RCBTB2: variants seen among roughly 807,000 people sequenced by gnomAD.
RCBTB2 encodes the protein RCC1 and BTB domain-containing protein 2.
A neutral mutation model predicts 65.4 loss-of-function variants in RCBTB2; 55 were observed. That is an observed-to-expected ratio of 0.84 (90% CI 0.68 to 1.05). RCBTB2 has a LOEUF of 1.05. Among genes scored for constraint, RCBTB2 ranks in the 50% least tolerant of loss-of-function variants. The pLI is 0.00. For synonymous variants in RCBTB2, 220 were observed against 255.2 expected (o/e 0.86, Z 1.31); for missense variants, 599 against 680.1 (o/e 0.88, Z 1.33).
intron 10 of RCBTB2, among the ~76,000 whole-genome samples, chr13:48,505,384 G>A (rs554363143): frequency 2.0e-5 from 3 of 152,282 alleles, no homozygotes; most frequent in Non-Finnish European, 2.9e-5. Context: ...AAATTAGTAC[G>A]ACTTTCCCTA....
chr13:48,527,320 CATATATATATATATATG>C (rs1379720488), intron 1 of RCBTB2, among the ~76,000 whole-genome samples: 9 of 77,856 alleles, frequency 1.2e-4, no homozygotes, highest in Non-Finnish European at 2.4e-4. Flanking sequence ...TGACTTGGCT[CATATATATATATATATG>C]ATATATATAT....
intron 9 of RCBTB2, 99 bp downstream of exon 9, chr13:48,511,671 A>C (rs1950801696): frequency 9.6e-7 from 1 of 1,046,590 alleles, no homozygotes; most frequent in Admixed American, 2.8e-5. Context: ...CAAGCAGCTA[A>C]ACTTTTCATC....
At chr13:48,526,732 A>G (rs1951756339) in intron 1 of RCBTB2, among the ~76,000 whole-genome samples, 6 of 151,882 alleles carry the variant, frequency 4.0e-5, no homozygotes, top group Admixed American at 3.3e-4. Context: ...CCTGGCCAAC[A>G]TGGTGAAACC....
chr13:48,514,467 G>C (rs1340076174), intron 6 of RCBTB2, among the ~76,000 whole-genome samples: 1 of 152,200 alleles, frequency 6.6e-6, no homozygotes, highest in Non-Finnish European at 1.5e-5. Flanking sequence ...TAAAACCAAG[G>C]ATAACGGGAG....
chr13:48,513,995 A>C (rs181230943), intron 6 of RCBTB2, among the ~76,000 whole-genome samples: 1 of 152,396 alleles, frequency 6.6e-6, no homozygotes, highest in East Asian at 1.9e-4. Flanking sequence ...ACTAATAATC[A>C]AAGAGAACAA....
At chr13:48,493,311 ACACACTCTCTCTCTCT>A (rs1949805793) in intron 14 of RCBTB2, among the ~76,000 whole-genome samples, 9 of 57,430 alleles carry the variant, frequency 1.6e-4, no homozygotes, top group South Asian at 6.8e-4. Flanking sequence ...ACACACACAC[ACACACTCTCTCTCTCT>A]CTCTCTCTCT....
Position 48,501,827 on chromosome 13 carries a change from C to A in RCBTB2, c.1159G>T (p.Glu387Ter). The A allele has an allele frequency of 6.2e-7, 1 of 1,613,942 alleles. No individual in the cohort carries two copies. Among genetic ancestry groups the A allele is most frequent in the Non-Finnish European group, 8.5e-7 (1 of 1,179,830 alleles). ...HLTVAESLKR[E>*]FDNPDTADLK... is the part of the protein sequence containing the mutation. ...TCTGCAGTGTCCGGGTTGTCAAATT[C>A]CCTCTTCAGTGACTCAGCCACTGTG... is the stretch of plus-strand genomic sequence containing the variant. The change falls in exon 12 of 15, where the codon GAA becomes TAA. Residue 387 changes from glutamate to a stop codon, truncating the protein, a stop_gained. Transcript: ENST00000344532. LOFTEE classifies it high-confidence loss of function.
At chr13:48,508,294 C>T (rs1345095112) in intron 10 of RCBTB2, among the ~76,000 whole-genome samples, 2 of 152,196 alleles carry the variant, frequency 1.3e-5, no homozygotes, top group African/African-American at 4.8e-5. Flanking sequence ...ACCCCTCCCT[C>T]GGAATACGCC....
Position 48,510,621 on chromosome 13 carries a change from CGT to C in RCBTB2, c.926+6_926+7del. 1 of 1,613,420 alleles carries C rather than the reference CGT, an allele frequency of 6.2e-7. No individual in the cohort carries two copies. Among genetic ancestry groups the C allele is most frequent in the Non-Finnish European group, 8.5e-7 (1 of 1,179,634 alleles). ...CCAGTGTGGGGACTGTGAAAATGCC[CGT>C]GTTACCTGTCCTTTTCCACAGTGAC... On this transcript the variant is annotated splice_donor_region_variant and intron_variant, in intron 10 of 14. Coordinates refer to ENST00000344532, the MANE Select transcript of RCBTB2 (RefSeq NM_001268.4).
intron 1 of RCBTB2, among the ~76,000 whole-genome samples, chr13:48,527,369 G>GAT (rs71186310): frequency 0.016 from 1,619 of 99,600 alleles, 94 homozygotes; most frequent in East Asian, 0.055. Flanking sequence ...ATTTATATAT[G>GAT]ATATATATAT....
At chr13:48,534,105 C>G (rs1952317926), upstream of RCBTB2, among the ~76,000 whole-genome samples, 1 of 152,214 alleles carries the variant, frequency 6.6e-6, no homozygotes, top group South Asian at 2.1e-4. Context: ...GCCCACTGAG[C>G]CTCAGAAGGA....
chr13:48,500,974 A>G (rs967632763), intron 12 of RCBTB2, among the ~76,000 whole-genome samples: 1 of 152,242 alleles, frequency 6.6e-6, no homozygotes, highest in Non-Finnish European at 1.5e-5. Flanking sequence ...TATCTGTTAC[A>G]CAACAACATA....
chr13:48,490,297 T>C, intron 14 of RCBTB2, 46 bp from the exon 15 acceptor site: 1 of 1,536,022 alleles, frequency 6.5e-7, no homozygotes, highest in South Asian at 1.1e-5. Context: ...TATTTACTAA[T>C]TCAATGCAAC....
At chr13:48,518,477 ATAT>A (rs201264399) in intron 4 of RCBTB2, among the ~76,000 whole-genome samples, 1,469 of 140,154 alleles carry the variant, frequency 0.01, 29 homozygotes, top group African/African-American at 0.038. Flanking sequence ...AAAAAAATAT[ATAT>A]ATATATATAT....
intron 9 of RCBTB2, 60 bp from the exon 10 acceptor site, chr13:48,510,831 C>A: frequency 4.6e-6 from 7 of 1,507,592 alleles, no homozygotes; most frequent in East Asian, 2.3e-5. Context: ...ACTGCTTCCA[C>A]AAAGTAGGTT....
In RCBTB2 at chr13:48,510,789, C is replaced by T; in HGVS notation, c.784-18G>A. The T allele has an allele frequency of 6.2e-7, 1 of 1,604,896 alleles. No homozygotes were observed. The highest frequency in any genetic ancestry group is 8.5e-7 in the Non-Finnish European group (1 of 1,172,506). ...CAGGCGACCTGGAAGGAAAAAAATC[C>T]ACTCAGGACTGCAAATATAAGTAAT... On this transcript the variant is annotated intron_variant, in intron 9 of 14. Transcript: ENST00000344532.
rs768124829 is a variant in RCBTB2 at position 48,512,777 on chromosome 13, T to C, written c.468A>G (p.Glu156=). Residue 156 remains glutamate (E), a synonymous_variant, in exon 7 of 15, where the codon GAA becomes GAG. Transcript: ENST00000344532. The stretch of plus-strand genomic sequence containing the variant: ...AAGAATGGTAAGACCCACAGGCAAC[T>C]TCAATGACTTGTTTGTTTGACAGAT... ...STNLSNKQVI[E]VACGSYHSLV... 1.2e-6 allele frequency: 2 copies of C among 1,614,082 alleles called. No individual in the cohort carries two copies. The highest frequency in any genetic ancestry group is 2.2e-5 in the South Asian group (2 of 91,082).
At chr13:48,528,106 C>T (rs909124229) in intron 1 of RCBTB2, among the ~76,000 whole-genome samples, 1 of 152,142 alleles carries the variant, frequency 6.6e-6, no homozygotes, top group Non-Finnish European at 1.5e-5. Context: ...CTGCAGTAGG[C>T]ACTGAATTGA....
intron 10 of RCBTB2, among the ~76,000 whole-genome samples, chr13:48,505,537 A>C (rs1950458316): frequency 6.6e-6 from 1 of 152,228 alleles, no homozygotes; most frequent in South Asian, 2.1e-4. Flanking sequence ...ACAAATAAAG[A>C]AAATGGGAGA....
Sources: allele counts gnomAD v4.1 joint callset (sites outside exome capture counted in the v4.1 genomes callset), GRCh38; gene constraint gnomAD v4.1.1; transcripts MANE v1.5; gene names NCBI Gene and HGNC (gene_info 2026-07-23, HGNC 2026-07-21).